PRND: variants seen among roughly 807,000 people sequenced by gnomAD.
PRND encodes prion like protein doppel.
For missense variants in PRND, 227 were observed against 223.3 expected, an observed-to-expected ratio of 1.02 and a Z score of -0.11; for synonymous variants, 94 against 93.2, an observed-to-expected ratio of 1.01 and a Z score of -0.05.
rs766762118 is a variant in PRND at position 4,727,432 on chromosome 20, G to A, written c.*2350G>A. 1 of 167,096 alleles carries A rather than the reference G, an allele frequency of 6.0e-6. No homozygotes were observed. Among genetic ancestry groups the A allele is most frequent in the Admixed American group, 6.5e-5 (1 of 15,288 alleles). 10.4% of individuals were successfully genotyped at this position (167,096 alleles called of 1,614,324 possible). A position where few individuals can be genotyped will look rare whatever the true frequency, so the allele number is the denominator to read the frequency against. On this transcript the variant is annotated 3_prime_UTR_variant, in exon 2 of 2. Transcript: ENST00000305817. ...GTTTAGTTTTTCACTTTAGCAAAGG[G>A]GCAATGGGGTGCCTACTATGTGCGA...
In PRND at chr20:4,727,535, G is replaced by A. The variant is rs1026036807; in HGVS notation, c.*2453G>A. On this transcript the variant is annotated 3_prime_UTR_variant, in exon 2 of 2. Coordinates refer to ENST00000305817, the MANE Select transcript of PRND (RefSeq NM_012409.4). ...CATAATTTTGCCAACCGTTGCTTTC[G>A]TAGCCCCTGCTAAGTGTTGACTTTT... 1.2e-5 allele frequency: 2 copies of A among 167,000 alleles called. No individual in the cohort carries two copies. The highest frequency in any genetic ancestry group is 4.8e-5 in the African/African-American group (2 of 41,414). 10.3% of individuals were successfully genotyped at this position (167,000 alleles called of 1,614,324 possible).
At position 4,724,865 on chromosome 20, in the gene PRND, T is replaced by C. The variant is rs767910338; in HGVS notation, c.314T>C (p.Val105Ala). The C allele has an allele frequency of 1.1e-5, 17 of 1,614,072 alleles. No individual in the cohort carries two copies. In the Admixed American group the frequency reaches 1.3e-4, roughly 13 times the overall value. ...SEANVTKEAF[V>A]TGCINATQAA... ...GCTAATGTGACCAAGGAGGCATTTGTCACCGGCTGCATCAATGCCACCCAG... is the reference window on the plus strand; with the variant it reads ...GCTAATGTGACCAAGGAGGCATTTGCCACCGGCTGCATCAATGCCACCCAG... Residue 105 changes from valine to alanine, a missense_variant, in exon 2 of 2, where the codon GTC (valine) becomes GCC (alanine). Physicochemically the swap from Val to Ala is moderately conservative, Grantham distance 64. Coordinates refer to ENST00000305817, the MANE Select transcript of PRND (RefSeq NM_012409.4). The surrounding 1 kb of genome is among the most constrained non-coding windows in gnomAD (Gnocchi z 4.8).
At position 4,727,257 on chromosome 20, in the gene PRND, G is replaced by T. The variant is rs113294908; in HGVS notation, c.*2175G>T. 2 of 167,162 alleles carry T rather than the reference G, an allele frequency of 1.2e-5. No homozygotes were observed. Among genetic ancestry groups the T allele is most frequent in the African/African-American group, 4.8e-5 (2 of 41,526 alleles). The allele number at this position is 167,162 out of a possible 1,614,324, so 10.4% of individuals were successfully genotyped here. The stretch of plus-strand genomic sequence containing the variant: ...GCTGCCTTTTCTCATTCTGTTAATA[G>T]TCCCGGCAACCAGATTTCAGTGGGG... On this transcript the variant is annotated 3_prime_UTR_variant, in exon 2 of 2. Transcript: ENST00000305817.
At position 4,724,367 on chromosome 20, in the gene PRND, C is replaced by T. The variant is rs1005019198; in HGVS notation, c.-11-174C>T. 6.6e-6 allele frequency among the ~76,000 whole-genome samples: 1 copy of T among 152,178 alleles called. No individual in the cohort carries two copies. Among genetic ancestry groups the T allele is most frequent in the South Asian group, 2.1e-4 (1 of 4,830 alleles). ...TAATCCTAGCAATAGCAAAGGAGCT[C>T]GGTGTTTGAGTTAACCCTGCACAAC... On this transcript the variant is annotated intron_variant, in intron 1 of 1. Coordinates refer to ENST00000305817, the MANE Select transcript of PRND (RefSeq NM_012409.4). This position sits in a 1 kb window ranked among gnomAD's most constrained non-coding sequence, Gnocchi z 4.8.
intron 1 of PRND, among the ~76,000 whole-genome samples, chr20:4,722,196 T>C (rs1232424350): frequency 6.6e-6 from 1 of 152,164 alleles, no homozygotes; most frequent in Non-Finnish European, 1.5e-5. Flanking sequence ...TTGTTTTGCC[T>C]TTAAGCTTCT....
intron 1 of PRND, among the ~76,000 whole-genome samples, chr20:4,722,935 G>T (rs1923146521): frequency 6.6e-6 from 1 of 152,200 alleles, no homozygotes; most frequent in South Asian, 2.1e-4. Context: ...TGGGGTGAGG[G>T]GCTTTTCCAT....
In PRND at chr20:4,724,681, G is replaced by T; in HGVS notation, c.130G>T (p.Ala44Ser). The T allele has an allele frequency of 6.2e-7, 1 of 1,614,190 alleles. No homozygotes were observed. The highest frequency in any genetic ancestry group is 8.5e-7 in the Non-Finnish European group (1 of 1,180,034). Reference sequence around the variant, plus strand: ...GAACCGGAAGGCCCTGCCCAGCACTGCCCAGATCACTGAGGCCCAGGTGGC... The same window carrying T: ...GAACCGGAAGGCCCTGCCCAGCACTTCCCAGATCACTGAGGCCCAGGTGGC... ...KWNRKALPST[A>S]QITEAQVAEN... Residue 44 changes from alanine (A) to serine (S), a missense_variant, in exon 2 of 2, where the codon GCC becomes TCC. Coordinates refer to ENST00000305817, the MANE Select transcript of PRND (RefSeq NM_012409.4). The surrounding 1 kb of genome is among the most constrained non-coding windows in gnomAD (Gnocchi z 4.8).
At chr20:4,723,680 GGCTCGT>G (rs1355853775) in intron 1 of PRND, among the ~76,000 whole-genome samples, 15 of 152,346 alleles carry the variant, frequency 9.8e-5, no homozygotes, top group African/African-American at 3.6e-4. Context: ...TCGGCACAGT[GGCTCGT>G]GCCTGTAATC....
rs368923140 is a variant in PRND at position 4,724,667 on chromosome 20, C to T, written c.116C>T (p.Ala39Val). 14 of 1,614,084 alleles carry T rather than the reference C, an allele frequency of 8.7e-6. No individual in the cohort carries two copies. The highest frequency in any genetic ancestry group is 1.6e-4 in the Middle Eastern group (1 of 6,084). ...CACAGAATCAAGTGGAACCGGAAGG[C>T]CCTGCCCAGCACTGCCCAGATCACT... ...IKHRIKWNRK[A>V]LPSTAQITEA... Residue 39 changes from alanine to valine, a missense_variant, in exon 2 of 2, where the codon GCC (alanine) becomes GTC (valine). Physicochemically the swap from Ala to Val is moderately conservative, Grantham distance 64. Transcript: ENST00000305817. This position sits in a 1 kb window ranked among gnomAD's most constrained non-coding sequence, Gnocchi z 4.8.
intron 1 of PRND, among the ~76,000 whole-genome samples, chr20:4,723,103 A>G (rs1044972955): frequency 1.4e-4 from 22 of 152,120 alleles, no homozygotes; most frequent in African/African-American, 4.6e-4. Flanking sequence ...GGGGCATCAT[A>G]CCCAGTGAGT....
rs59537500 is a variant in PRND, at chr20:4,727,793, C to CTTTTTTTTTTTTTTTT, written c.*2721_*2722insTTTTTTTTTTTTTTTT. 5,272 of 141,672 alleles carry CTTTTTTTTTTTTTTTT rather than the reference C, an allele frequency of 0.037. 393 individuals are homozygous for CTTTTTTTTTTTTTTTT. Among genetic ancestry groups the CTTTTTTTTTTTTTTTT allele is most frequent in the African/African-American group, 0.047 (1,558 of 33,304 alleles). 8.8% of individuals were successfully genotyped at this position (141,672 alleles called of 1,614,324 possible). On this transcript the variant is annotated 3_prime_UTR_variant, in exon 2 of 2. Transcript: ENST00000305817. Reference sequence around the variant, plus strand: ...AATGCTTTCTACTCATTTTTCTATACTTTTTTTTTTGAGGCAGAGTCTCAT... The same window carrying CTTTTTTTTTTTTTTTT: ...AATGCTTTCTACTCATTTTTCTATACTTTTTTTTTTTTTTTTTTTTTTTTTTGAGGCAGAGTCTCAT...
rs1555784206 is a variant in PRND at position 4,727,792 on chromosome 20, A to ATTTTTTTTTTTT, written c.*2710_*2711insTTTTTTTTTTTT. On this transcript the variant is annotated 3_prime_UTR_variant, in exon 2 of 2. Coordinates refer to ENST00000305817, the MANE Select transcript of PRND (RefSeq NM_012409.4). ...CAATGCTTTCTACTCATTTTTCTAT[A>ATTTTTTTTTTTT]CTTTTTTTTTTGAGGCAGAGTCTCA... 3.9e-5 allele frequency: 4 copies of ATTTTTTTTTTTT among 101,668 alleles called. No individual in the cohort carries two copies. The highest frequency in any genetic ancestry group is 4.6e-4 in the South Asian group (1 of 2,154). 6.3% of individuals were successfully genotyped at this position (101,668 alleles called of 1,614,324 possible).
rs1457396799 is a variant in PRND, at chr20:4,726,721, A to T, written c.*1639A>T. 6.0e-6 allele frequency: 1 copy of T among 167,078 alleles called. No homozygotes were observed. The highest frequency in any genetic ancestry group is 1.5e-5 in the Non-Finnish European group (1 of 68,122). The allele number at this position is 167,078 out of a possible 1,614,324, so 10.3% of individuals were successfully genotyped here. ...GTAAGGGGGGAACATGCATTTTATC[A>T]GACAATTTATCCAAAGCATTGCAGA... On this transcript the variant is annotated 3_prime_UTR_variant, in exon 2 of 2. Transcript: ENST00000305817.
rs548498557 is a variant in PRND, at chr20:4,726,594, T to C, written c.*1512T>C. The C allele has an allele frequency of 1.2e-5, 2 of 167,144 alleles. No homozygotes were observed. The highest frequency in any genetic ancestry group is 2.9e-5 in the Non-Finnish European group (2 of 68,134). The allele number at this position is 167,144 out of a possible 1,614,324, so 10.4% of individuals were successfully genotyped here. A position where few individuals can be genotyped will look rare whatever the true frequency, so the allele number is the denominator to read the frequency against. Reference sequence around the variant, plus strand: ...TGAATTGAATGCTCTAAGAGGCTCCTACAGGCGCTCCAGGCCACTCTCAGA... The same window carrying C: ...TGAATTGAATGCTCTAAGAGGCTCCCACAGGCGCTCCAGGCCACTCTCAGA... On this transcript the variant is annotated 3_prime_UTR_variant, in exon 2 of 2. Transcript: ENST00000305817.
chr20:4,723,475 A>C (rs1923161525), intron 1 of PRND, among the ~76,000 whole-genome samples: 1 of 152,168 alleles, frequency 6.6e-6, no homozygotes, highest in Non-Finnish European at 1.5e-5. Context: ...ACCCCTGGAC[A>C]TAGGGGAGGC....
rs41279424 is a variant in PRND, at chr20:4,724,628, C to A, written c.77C>A (p.Thr26Lys). ...LLFSHLSAVQ[T>K]RGIKHRIKWN... ...TTCAGCCACCTCTCTGCGGTCCAGA[C>A]GAGGGGCATCAAGCACAGAATCAAG... Residue 26 changes from threonine (T) to lysine (K), a missense_variant, in exon 2 of 2, where the codon ACG (threonine) becomes AAG (lysine). Coordinates refer to ENST00000305817, the MANE Select transcript of PRND (RefSeq NM_012409.4). This position sits in a 1 kb window ranked among gnomAD's most constrained non-coding sequence, Gnocchi z 4.8. The A allele has an allele frequency of 1.1e-5, 18 of 1,613,988 alleles. No individual in the cohort carries two copies. In the South Asian group the frequency reaches 1.9e-4, roughly 17 times the overall value.
chr20:4,724,966 C>G lies in PRND; in HGVS notation c.415C>G (p.Leu139Val). The change falls in exon 2 of 2, where the codon CTC becomes GTC. Residue 139 changes from leucine to valine, a missense_variant. Transcript: ENST00000305817. The surrounding 1 kb of genome is among the most constrained non-coding windows in gnomAD (Gnocchi z 4.8). ...GGTGCTCTGGCGGCTGGTCCAGGAG[C>G]TCTGCTCCCTCAAGCATTGCGAGTT... ...QQVLWRLVQE[L>V]CSLKHCEFWL... 2 of 1,614,052 alleles carry G rather than the reference C, an allele frequency of 1.2e-6. No homozygotes were observed. The highest frequency in any genetic ancestry group is 1.7e-6 in the Non-Finnish European group (2 of 1,180,038).
rs1243354866 is a variant in PRND, at chr20:4,724,077, CAT to C, written c.-11-457_-11-456del. ...GTGTGTGTATATACGTGTATATATA[CAT>C]ATATATGTGTATATATATACGTGTA... On this transcript the variant is annotated intron_variant, in intron 1 of 1. Transcript: ENST00000305817. This position sits in a 1 kb window ranked among gnomAD's most constrained non-coding sequence, Gnocchi z 4.8. Among the ~76,000 whole-genome samples, 2 of 146,752 alleles carry C rather than the reference CAT, an allele frequency of 1.4e-5. No homozygotes were observed. Among genetic ancestry groups the C allele is most frequent in the Non-Finnish European group, 3.0e-5 (2 of 66,926 alleles).
chr20:4,725,495 G>A lies in PRND; in HGVS notation c.*413G>A. 1 of 197,492 alleles carries A rather than the reference G, an allele frequency of 5.1e-6. No homozygotes were observed. Among genetic ancestry groups the A allele is most frequent in the East Asian group, 1.3e-4 (1 of 7,636 alleles). 12.2% of individuals were successfully genotyped at this position (197,492 alleles called of 1,614,324 possible). On this transcript the variant is annotated 3_prime_UTR_variant, in exon 2 of 2. Transcript: ENST00000305817. ...CACCAGCTAGAAAGTGGCAGAGCCAGGATTCAACCCTGGCTTGTCTAACCC... is the reference window on the plus strand; with the variant it reads ...CACCAGCTAGAAAGTGGCAGAGCCAAGATTCAACCCTGGCTTGTCTAACCC...
Sources: allele counts gnomAD v4.1 joint callset (sites outside exome capture counted in the v4.1 genomes callset), GRCh38; gene constraint gnomAD v4.1.1; non-coding constraint Gnocchi (gnomAD v3.1); transcripts MANE v1.5; gene names NCBI Gene and HGNC (gene_info 2026-07-23, HGNC 2026-07-21).